Variants in CCSER1 observed in about 807,000 individuals in gnomAD.
The protein encoded by CCSER1 is serine-rich coiled-coil domain-containing protein 1.
CCSER1 carries 41 observed loss-of-function variants against 82.0 expected under a neutral mutation model. The ratio of observed to expected loss-of-function variants is 0.50; its 90% CI spans 0.39 to 0.65. CCSER1 has a LOEUF of 0.65. CCSER1 is among the 30% of genes least tolerant of loss of function. CCSER1 has a pLI of 0.00. For missense variants in CCSER1, 1,119 were observed against 1,064.2 expected (o/e 1.05, Z -0.72); for synonymous variants, 414 against 383.9 (o/e 1.08, Z -0.92).
rs560489539 is a variant in CCSER1 at position 91,481,219 on chromosome 4, C to T, written c.2218-117353C>T. On this transcript the variant is annotated intron_variant, in intron 10 of 10. Transcript: ENST00000509176. ...TTGCCAGGGCTGCCATAACAAAGTA[C>T]CACAAATTGGGTGGCTCAACAACAG... Among the ~76,000 whole-genome samples, 14 of 151,888 alleles carry T rather than the reference C, an allele frequency of 9.2e-5. No individual in the cohort carries two copies. The East Asian group carries it at 2.7e-3, about 29-fold the overall frequency.
At position 91,408,134 on chromosome 4, in the gene CCSER1, AAG is replaced by A. The variant is rs560626435; in HGVS notation, c.2218-190432_2218-190431del. Among the ~76,000 whole-genome samples, 7 of 152,308 alleles carry A rather than the reference AAG, an allele frequency of 4.6e-5. No individual in the cohort carries two copies. The East Asian group carries it at 1.4e-3, about 29-fold the overall frequency. ...CAACAGCCTCAGTTGTATTAAGATA[AAG>A]AGAGATGTTCATGATGTTTAAAATC... On this transcript the variant is annotated intron_variant, in intron 10 of 10. Coordinates refer to ENST00000509176, the MANE Select transcript of CCSER1 (RefSeq NM_001145065.2).
chr4:90,583,865 T>TA (rs1434940780), intron 5 of CCSER1, among the ~76,000 whole-genome samples: 2 of 152,178 alleles, frequency 1.3e-5, no homozygotes, highest in Non-Finnish European at 2.9e-5. Flanking sequence ...ATTTTAGGGA[T>TA]AAAATGTAAT....
chr4:90,899,583 G>A (rs542333902), intron 8 of CCSER1, among the ~76,000 whole-genome samples: 1 of 149,808 alleles, frequency 6.7e-6, no homozygotes, highest in South Asian at 2.1e-4. Context: ...GTTGGTTGTG[G>A]GTTTGTGATA....
intron 4 of CCSER1, among the ~76,000 whole-genome samples, chr4:90,457,374 G>T (rs1464698871): frequency 1.3e-5 from 2 of 152,122 alleles, no homozygotes; most frequent in African/African-American, 4.8e-5. Flanking sequence ...ATGCTGACTA[G>T]GGGGGCATGT....
chr4:90,534,302 T>C (rs1033881097), intron 5 of CCSER1, among the ~76,000 whole-genome samples: 1 of 152,100 alleles, frequency 6.6e-6, no homozygotes, highest in African/African-American at 2.4e-5. Context: ...GCTAATTTTG[T>C]GTATTTTTAG....
intron 6 of CCSER1, among the ~76,000 whole-genome samples, chr4:90,667,910 A>C (rs549795960): frequency 5.9e-5 from 9 of 152,184 alleles, no homozygotes; most frequent in Admixed American, 5.9e-4. Context: ...CTGAAAATCT[A>C]TGCTAAACTT....
chr4:90,786,514 AAAATT>A (rs1430122397), intron 7 of CCSER1, among the ~76,000 whole-genome samples: 1 of 152,206 alleles, frequency 6.6e-6, no homozygotes, highest in African/African-American at 2.4e-5. Flanking sequence ...GAAATTAAAA[AAAATT>A]AAATCACACA....
chr4:91,411,431 A>C (rs1753012082), intron 10 of CCSER1, among the ~76,000 whole-genome samples: 1 of 144,624 alleles, frequency 6.9e-6, no homozygotes, highest in Non-Finnish European at 1.5e-5. Context: ...AATTTATCTG[A>C]TACCACCTTC....
Position 90,309,621 on chromosome 4 carries a change from T to G in CCSER1, c.1324+13T>G. On this transcript the variant is annotated intron_variant, in intron 2 of 10. Transcript: ENST00000509176. ...AATCCTGCCAAAGGTATGCTGATTT[T>G]TTTTGTATAACAAATGATATGAATT... 6.5e-7 allele frequency: 1 copy of G among 1,534,524 alleles called. No individual in the cohort carries two copies. Among genetic ancestry groups the G allele is most frequent in the Non-Finnish European group, 8.8e-7 (1 of 1,142,856 alleles).
intron 8 of CCSER1, chr4:90,838,902 A>C (rs11559253): frequency 5.0e-6 from 8 of 1,613,278 alleles, no homozygotes; most frequent in Middle Eastern, 1.9e-4. Context: ...CGCACGCCTC[A>C]TTACGATTCG....
chr4:91,041,333 T>C (rs542680091), intron 9 of CCSER1, among the ~76,000 whole-genome samples: 16 of 152,336 alleles, frequency 1.1e-4, no homozygotes, highest in African/African-American at 3.6e-4. Context: ...TTTTGGTCAG[T>C]GACAGTTCAA....
chr4:90,434,027 A>G lies in CCSER1; in HGVS notation c.1603+33898A>G, dbSNP rs138194423. Among the ~76,000 whole-genome samples, 1,470 of 152,056 alleles carry G rather than the reference A, an allele frequency of 9.7e-3. 15 individuals carry two copies. The highest frequency in any genetic ancestry group is 0.015 in the Non-Finnish European group (1,040 of 67,914). On this transcript the variant is annotated intron_variant, in intron 4 of 10. Coordinates refer to ENST00000509176, the MANE Select transcript of CCSER1 (RefSeq NM_001145065.2). ...TTTATAGTTTAAAAGATTATATATTATTCGAAGTTACAACTTTTTCCCCAC... is the reference window on the plus strand; with the variant it reads ...TTTATAGTTTAAAAGATTATATATTGTTCGAAGTTACAACTTTTTCCCCAC...
chr4:91,041,735 T>G (rs555795004), intron 9 of CCSER1, among the ~76,000 whole-genome samples: 1 of 152,216 alleles, frequency 6.6e-6, no homozygotes, highest in East Asian at 1.9e-4. Flanking sequence ...TTCAACAAAG[T>G]CAATTCCAGC....
chr4:91,566,517 C>T (rs1560768436), intron 10 of CCSER1, among the ~76,000 whole-genome samples: 1 of 151,986 alleles, frequency 6.6e-6, no homozygotes, highest in Non-Finnish European at 1.5e-5. Flanking sequence ...CCATCAGGTC[C>T]TAGGCTTTAT....
At chr4:90,157,392 C>T (rs11725382) in intron 1 of CCSER1, among the ~76,000 whole-genome samples, 5,580 of 152,208 alleles carry the variant, frequency 0.037, 165 homozygotes, top group Non-Finnish European at 0.055. Flanking sequence ...GTGGCATTCT[C>T]TGTATTTTCT....
chr4:91,168,549 G>A (rs1023167101), intron 10 of CCSER1, among the ~76,000 whole-genome samples: 19 of 143,204 alleles, frequency 1.3e-4, no homozygotes, highest in East Asian at 6.5e-4. Context: ...GCCTCTGCCC[G>A]GCTGCCCATC....
At chr4:91,470,577 A>G (rs995469976) in intron 10 of CCSER1, among the ~76,000 whole-genome samples, 7 of 152,094 alleles carry the variant, frequency 4.6e-5, no homozygotes, top group Non-Finnish European at 1.0e-4. Flanking sequence ...GGGATTACAG[A>G]CATGAGCCAC....
chr4:91,167,256 G>A (rs116776986), intron 10 of CCSER1, among the ~76,000 whole-genome samples: 5,054 of 139,326 alleles, frequency 0.036, 136 homozygotes, highest in South Asian at 0.095. Context: ...GCGCGATCTC[G>A]GCTCACTGTA....
chr4:90,274,033 T>C (rs2153456044), intron 1 of CCSER1, among the ~76,000 whole-genome samples: 1 of 152,340 alleles, frequency 6.6e-6, no homozygotes, highest in East Asian at 1.9e-4. Flanking sequence ...AAATTTTGCA[T>C]ATTTGAGTAA....
Sources: gnomAD v4.1 joint callset for allele counts (sites outside exome capture counted in the v4.1 genomes callset) on GRCh38, gnomAD v4.1.1 for gene constraint, MANE v1.5 for transcripts, NCBI Gene and HGNC (gene_info 2026-07-23, HGNC 2026-07-21) for gene names.